Variants in FMNL2 observed in about 807,000 individuals in gnomAD.
The protein encoded by FMNL2 is formin-like protein 2.
FMNL2 carries 51 observed loss-of-function variants against 130.2 expected under a neutral mutation model. The observed-to-expected ratio is 0.39, with a 90% CI of 0.31 to 0.49. The LOEUF (loss-of-function observed/expected upper bound fraction) is 0.49. Among genes scored for constraint, FMNL2 ranks in the 20% least tolerant of loss-of-function variants. The probability of loss-of-function intolerance (pLI) is 0.85; values close to 1 mark genes in which losing one functional copy is unlikely to be tolerated. For missense variants in FMNL2, 977 were observed against 1,316.2 expected (o/e 0.74, Z 3.99); for synonymous variants, 465 against 467.1 (o/e 1.00, Z 0.06).
intron 9 of FMNL2, 66 bp downstream of exon 9, chr2:152,581,115 AT>A: frequency 7.1e-7 from 1 of 1,401,994 alleles, no homozygotes; most frequent in Admixed American, 1.8e-5. Context: ...TTTGAACGGA[AT>A]TATTTACCTT....
chr2:152,441,280 C>T (rs79404839), intron 1 of FMNL2, among the ~76,000 whole-genome samples: 10,000 of 152,242 alleles, frequency 0.066, 584 homozygotes, highest in Admixed American at 0.21. Context: ...GCACACCCAG[C>T]ACATTCAAAT....
In FMNL2 at chr2:152,587,742, G is replaced by A. The variant is rs544757721; in HGVS notation, c.876+6693G>A. Among the ~76,000 whole-genome samples the A allele has an allele frequency of 1.6e-3, 243 of 152,290 alleles. 1 individual carries two copies. Among genetic ancestry groups the A allele is most frequent in the Non-Finnish European group, 1.7e-3 (115 of 68,020 alleles). On this transcript the variant is annotated intron_variant, in intron 9 of 25. Transcript: ENST00000288670. ...GGTATCCTCCTGATTGTTAAGGGAT[G>A]AGTCATACTCACTTACTGAAAAAAA...
At chr2:152,429,455 C>T (rs1387349800) in intron 1 of FMNL2, among the ~76,000 whole-genome samples, 2 of 152,028 alleles carry the variant, frequency 1.3e-5, no homozygotes, top group Non-Finnish European at 2.9e-5. Flanking sequence ...ACCATTTCAG[C>T]GATAGAGGTT....
chr2:152,534,761 T>C (rs1438320713), intron 2 of FMNL2, among the ~76,000 whole-genome samples: 1 of 151,954 alleles, frequency 6.6e-6, no homozygotes, highest in Admixed American at 6.6e-5. Context: ...AGAAAATGAG[T>C]TATAGGATGT....
At chr2:152,574,708 T>C (rs1056141654) in intron 6 of FMNL2, among the ~76,000 whole-genome samples, 1 of 152,224 alleles carries the variant, frequency 6.6e-6, no homozygotes, top group Non-Finnish European at 1.5e-5. Context: ...AAGCTATTGC[T>C]ATCAACTAAA....
chr2:152,606,042 A>C (rs1448926167), intron 9 of FMNL2, among the ~76,000 whole-genome samples: 1 of 152,242 alleles, frequency 6.6e-6, no homozygotes, highest in Non-Finnish European at 1.5e-5. Flanking sequence ...GATGCTATGT[A>C]GTGAACTAAA....
chr2:152,614,346 G>A (rs759822200), intron 11 of FMNL2, among the ~76,000 whole-genome samples: 2 of 152,220 alleles, frequency 1.3e-5, no homozygotes, highest in Admixed American at 6.5e-5. Context: ...GTATTCACCC[G>A]AAAGTCATCT....
chr2:152,481,518 T>C (rs1292194513), intron 1 of FMNL2, among the ~76,000 whole-genome samples: 2 of 152,206 alleles, frequency 1.3e-5, no homozygotes, highest in Non-Finnish European at 2.9e-5. Flanking sequence ...CCCAGGCTTT[T>C]CCCCCAAGAT....
At chr2:152,489,443 A>T (rs965305123) in intron 1 of FMNL2, among the ~76,000 whole-genome samples, 5 of 152,216 alleles carry the variant, frequency 3.3e-5, no homozygotes, top group Non-Finnish European at 7.3e-5. Context: ...ACAGTGGAGG[A>T]GACCTCACCA....
At chr2:152,359,405 A>G (rs1683029336) in intron 1 of FMNL2, among the ~76,000 whole-genome samples, 1 of 152,166 alleles carries the variant, frequency 6.6e-6, no homozygotes, top group Non-Finnish European at 1.5e-5. Flanking sequence ...CCTGGCTCCT[A>G]AGTGCCCAAT....
At position 152,618,992 on chromosome 2, in the gene FMNL2, G is replaced by A. The variant is rs1699091636; in HGVS notation, c.1461G>A (p.Gly487=). 1 of 1,614,048 alleles carries A rather than the reference G, an allele frequency of 6.2e-7. No homozygotes were observed. Among genetic ancestry groups the A allele is most frequent in the African/African-American group, 1.3e-5 (1 of 75,050 alleles). ...GGACCATTAAAATTCAGAAGAAAGG[G>A]GATGGGGATATCGCCATACTGCCAG... ...KQGTIKIQKK[G]DGDIAILPVV... The change falls in exon 14 of 26, where the codon GGG becomes GGA. Residue 487 remains glycine, a synonymous_variant. Transcript: ENST00000288670.
rs1685982221 is a variant in FMNL2, at chr2:152,406,386, ACAG to A, written c.117+70667_117+70669del. 2.3e-5 allele frequency among the ~76,000 whole-genome samples: 3 copies of A among 129,978 alleles called. No individual in the cohort carries two copies. In the Admixed American group the frequency reaches 2.5e-4, roughly 11 times the overall value. 85.3% of individuals were successfully genotyped at this position (129,978 alleles called of 152,430 possible). ...CTCTGTTAGGTTACAATTGGTGTTA[ACAG>A]TAGAGAAAAGAATCAGAGGAAGAGG... On this transcript the variant is annotated intron_variant, in intron 1 of 25. Transcript: ENST00000288670.
Position 152,617,136 on chromosome 2 carries a change from A to T in FMNL2, c.1258A>T (p.Ile420Phe), listed in dbSNP as rs1368037965. The change falls in exon 13 of 26, where the codon ATT (isoleucine) becomes TTT (phenylalanine). Residue 420 changes from isoleucine (I) to phenylalanine (F), a missense_variant. Ile to Phe is a conservative substitution (Grantham distance 21). Transcript: ENST00000288670. ...QDTENEAMSK[I>F]VELEKQLMQR... Reference sequence around the variant, plus strand: ...CACAGAGAATGAAGCCATGTCCAAGATTGTGGAACTGGAAAAGCAACTCAT... The same window carrying T: ...CACAGAGAATGAAGCCATGTCCAAGTTTGTGGAACTGGAAAAGCAACTCAT... 1 of 1,614,008 alleles carries T rather than the reference A, an allele frequency of 6.2e-7. No individual in the cohort carries two copies. The highest frequency in any genetic ancestry group is 8.5e-7 in the Non-Finnish European group (1 of 1,179,892).
chr2:152,453,063 G>C (rs190333071), intron 1 of FMNL2, among the ~76,000 whole-genome samples: 1 of 152,008 alleles, frequency 6.6e-6, no homozygotes, highest in Non-Finnish European at 1.5e-5. Flanking sequence ...TTAGCTGGGC[G>C]TGGTGGTCAG....
At chr2:152,539,249 C>T (rs1055020871) in intron 2 of FMNL2, 1 of 152,282 alleles carries the variant, frequency 6.6e-6, no homozygotes, top group African/African-American at 2.4e-5. Context: ...TAGTTACCAC[C>T]CCTCCATTGA....
chr2:152,531,676 A>G (rs6717982), intron 2 of FMNL2, among the ~76,000 whole-genome samples: 117,519 of 151,770 alleles, frequency 0.77, 47,037 homozygotes, highest in Non-Finnish European at 0.9. Flanking sequence ...GGGTTTCACC[A>G]TGTTGGCCAG....
intron 1 of FMNL2, among the ~76,000 whole-genome samples, chr2:152,460,338 T>C (rs1228572418): frequency 6.6e-6 from 1 of 152,236 alleles, no homozygotes; most frequent in Admixed American, 6.5e-5. Context: ...TATATGGTAC[T>C]GTGTCCTGCC....
chr2:152,360,943 T>C (rs1364996088), intron 1 of FMNL2, among the ~76,000 whole-genome samples: 1 of 152,228 alleles, frequency 6.6e-6, no homozygotes, highest in Non-Finnish European at 1.5e-5. Context: ...TTCTTAAGTC[T>C]TGCTGAGTTG....
At chr2:152,531,824 G>A (rs536488286) in intron 2 of FMNL2, among the ~76,000 whole-genome samples, 1 of 152,252 alleles carries the variant, frequency 6.6e-6, no homozygotes, top group South Asian at 2.1e-4. Flanking sequence ...TAAGATGTAG[G>A]TCTTCATGTT....
Sources: gnomAD v4.1 joint callset for allele counts (sites outside exome capture counted in the v4.1 genomes callset) on GRCh38, gnomAD v4.1.1 for gene constraint, MANE v1.5 for transcripts, NCBI Gene and HGNC (gene_info 2026-07-23, HGNC 2026-07-21) for gene names.